The following NCALD variants were observed in gnomAD, a reference collection of about 807,000 sequenced individuals.
NCALD encodes the protein neurocalcin-delta.
Under a neutral mutation model 18.6 loss-of-function variants are expected in NCALD, and 10 were observed. The ratio of observed to expected loss-of-function variants is 0.54; its 90% CI spans 0.33 to 0.91. The LOEUF is 0.91. NCALD is among the 40% of genes least tolerant of loss of function. The probability of loss-of-function intolerance (pLI) is 0.03; values close to 1 mark genes in which losing one functional copy is unlikely to be tolerated. For missense variants in NCALD, 184 were observed against 247.6 expected (o/e 0.74, Z 1.72); for synonymous variants, 88 against 87.4 (o/e 1.01, Z -0.04).
chr8:101,699,789 T>C (rs571609187), intron 2 of NCALD, among the ~76,000 whole-genome samples: 2 of 152,080 alleles, frequency 1.3e-5, no homozygotes, highest in South Asian at 4.2e-4. Context: ...AGGGAGAGCA[T>C]TAGGACAAAT....
intron 1 of NCALD, among the ~76,000 whole-genome samples, chr8:102,045,083 C>G (rs755975570): frequency 6.6e-6 from 1 of 152,140 alleles, no homozygotes; most frequent in Non-Finnish European, 1.5e-5. Flanking sequence ...ATTTCTAAAC[C>G]CAGGGCTTTC....
chr8:101,854,040 C>T (rs1233286987), intron 4 of NCALD, among the ~76,000 whole-genome samples: 3 of 152,184 alleles, frequency 2.0e-5, no homozygotes, highest in Non-Finnish European at 4.4e-5. Context: ...ATATAACATC[C>T]GCTTTGGCCC....
At chr8:101,774,000 G>A (rs146664132) in intron 1 of NCALD, among the ~76,000 whole-genome samples, 6 of 152,232 alleles carry the variant, frequency 3.9e-5, no homozygotes, top group East Asian at 3.9e-4. Flanking sequence ...ATGGAGTACC[G>A]CTTATGCAAA....
rs867658180 is a variant in NCALD at position 101,954,340 on chromosome 8, C to T, written c.-156-38482G>A. On this transcript the variant is annotated intron_variant, in intron 2 of 6. Transcript: ENST00000311028. ...TTCTCCCTTGCCCAGATGGGTCATG[C>T]CACATGGAAAGCAGAAATATTCCCA... Among the ~76,000 whole-genome samples, 11 of 152,260 alleles carry T rather than the reference C, an allele frequency of 7.2e-5. No homozygotes were observed. In the Middle Eastern group the frequency reaches 0.01, roughly 141 times the overall value.
intron 1 of NCALD, among the ~76,000 whole-genome samples, chr8:101,753,788 G>C (rs558452143): frequency 6.6e-6 from 1 of 152,258 alleles, no homozygotes; most frequent in South Asian, 2.1e-4. Flanking sequence ...AGGTGGGTGA[G>C]TCAACCAAGA....
chr8:101,849,095 C>T lies in NCALD; in HGVS notation c.-20+38046G>A, dbSNP rs1349309084. On this transcript the variant is annotated intron_variant, in intron 4 of 6. Coordinates refer to the NCALD transcript ENST00000311028. ...GTTGGAAGTCGTTTTCCTTAGCAAA[C>T]GAATGCAGGAACAGAAAACCAAACA... Among the ~76,000 whole-genome samples the T allele has an allele frequency of 2.0e-5, 3 of 152,260 alleles. 1 individual carries two copies. The highest frequency in any genetic ancestry group is 6.8e-3 in the Middle Eastern group (2 of 294).
intron 1 of NCALD, among the ~76,000 whole-genome samples, chr8:102,054,548 CGCCTTTAGACTTTAGCTACATCA>C (rs773577193): frequency 1.3e-5 from 2 of 151,782 alleles, no homozygotes; most frequent in Non-Finnish European, 2.9e-5. Flanking sequence ...GAATTCAGAC[CGCCTTTAGACTTTAGCTACATCA>C]GCTTTTCTCT....
rs185482131 is a variant in NCALD, at chr8:101,736,417, A to G, written c.-19-16769T>C. ...GGGACAGGAAAGGAACAGAATTCCT[A>G]TTTGTGTTCCTACTGCATGCCAATT... On this transcript the variant is annotated intron_variant, in intron 1 of 3. Transcript: ENST00000220931. Among the ~76,000 whole-genome samples, 355 of 152,294 alleles carry G rather than the reference A, an allele frequency of 2.3e-3. 2 individuals are homozygous for G. Among genetic ancestry groups the G allele is most frequent in the African/African-American group, 8.2e-3 (342 of 41,552 alleles).
At chr8:101,705,418 C>CT (rs1815468818) in intron 2 of NCALD, among the ~76,000 whole-genome samples, 1 of 152,098 alleles carries the variant, frequency 6.6e-6, no homozygotes, top group African/African-American at 2.4e-5. Flanking sequence ...GCAGGAAGAG[C>CT]TGTTAGAAAC....
At chr8:101,797,827 G>A (rs756746816) in intron 4 of NCALD, among the ~76,000 whole-genome samples, 10 of 150,550 alleles carry the variant, frequency 6.6e-5, no homozygotes, top group Non-Finnish European at 1.5e-4. Context: ...AAAAAAAAAA[G>A]AGGAGTGTCT....
intron 2 of NCALD, among the ~76,000 whole-genome samples, chr8:101,706,693 T>C (rs1280389647): frequency 6.6e-6 from 1 of 152,086 alleles, no homozygotes; most frequent in African/African-American, 2.4e-5. Flanking sequence ...AGAGGGAAAA[T>C]TGGACACAGA....
intron 1 of NCALD, among the ~76,000 whole-genome samples, chr8:101,742,642 T>C (rs1810253656): frequency 2.0e-5 from 3 of 152,162 alleles, no homozygotes; most frequent in Non-Finnish European, 4.4e-5. Context: ...TTTGATAAAC[T>C]GATCCTCATT....
chr8:101,935,854 A>G (rs1373576683), intron 2 of NCALD, among the ~76,000 whole-genome samples: 1 of 150,012 alleles, frequency 6.7e-6, no homozygotes, highest in Non-Finnish European at 1.5e-5. Context: ...TGATGCAGGG[A>G]AGACAGGAAA....
chr8:102,117,200 G>A (rs532729970), intron 1 of NCALD, among the ~76,000 whole-genome samples: 3 of 152,216 alleles, frequency 2.0e-5, no homozygotes, highest in African/African-American at 7.2e-5. Context: ...TTGTTTCAGC[G>A]GCCACAGGAA....
intron 1 of NCALD, among the ~76,000 whole-genome samples, chr8:102,031,723 A>C (rs1235816284): frequency 4.6e-5 from 7 of 152,220 alleles, no homozygotes; most frequent in African/African-American, 1.4e-4. Flanking sequence ...AAGGTGAGCA[A>C]AAATATATTC....
chr8:101,785,780 A>G (rs1421365552), intron 1 of NCALD: 1 of 152,200 alleles, frequency 6.6e-6, no homozygotes, highest in Non-Finnish European at 1.5e-5. Flanking sequence ...GTCGGTCCCT[A>G]CCAGTCTCAT....
intron 2 of NCALD, among the ~76,000 whole-genome samples, chr8:101,710,823 C>A (rs796606019): frequency 2.0e-5 from 3 of 152,366 alleles, no homozygotes; most frequent in African/African-American, 7.2e-5. Context: ...GGGGAAGGAG[C>A]AGCTGTGGGT....
intron 1 of NCALD, among the ~76,000 whole-genome samples, chr8:102,030,823 C>T (rs753441873): frequency 1.3e-5 from 2 of 151,986 alleles, no homozygotes; most frequent in African/African-American, 2.4e-5. Context: ...TTGTAGTGAG[C>T]CACGATCACA....
intron 1 of NCALD, among the ~76,000 whole-genome samples, chr8:102,094,912 A>G (rs971468860): frequency 6.6e-5 from 10 of 152,322 alleles, no homozygotes; most frequent in African/African-American, 1.4e-4. Flanking sequence ...GATGCAAGAG[A>G]AGAGTCTCCC....
Sources: allele counts gnomAD v4.1 joint callset (sites outside exome capture counted in the v4.1 genomes callset), GRCh38; gene constraint gnomAD v4.1.1; transcripts MANE v1.5; gene names NCBI Gene and HGNC (gene_info 2026-07-23, HGNC 2026-07-21).